Variants in GNAI3 observed in about 807,000 individuals in gnomAD.
The protein encoded by GNAI3 is G protein subunit alpha i3.
GNAI3 carries 12 observed loss-of-function variants against 41.8 expected under a neutral mutation model. That is an observed-to-expected ratio of 0.29 (90% CI 0.18 to 0.47). The LOEUF (loss-of-function observed/expected upper bound fraction) is 0.47, where lower values mean the gene tolerates loss of function less well. Ranked by LOEUF, GNAI3 falls within the 20% of genes least tolerant of loss-of-function variation. The pLI is 1.00. For synonymous variants in GNAI3, 132 were observed against 146.5 expected (o/e 0.90, Z 0.71); for missense variants, 360 against 429.6 (o/e 0.84, Z 1.43).
At chr1:109,582,826 C>T (rs1039589308) in intron 5 of GNAI3, among the ~76,000 whole-genome samples, 4 of 152,014 alleles carry the variant, frequency 2.6e-5, no homozygotes, top group Non-Finnish European at 4.4e-5. Flanking sequence ...AAAATTTTTC[C>T]TGTGATAACT....
At chr1:109,555,969 T>C (rs868181341) in intron 1 of GNAI3, among the ~76,000 whole-genome samples, 19,615 of 129,820 alleles carry the variant, frequency 0.15, 1,478 homozygotes, top group East Asian at 0.22. Context: ...CGTGCGTGTG[T>C]GTGTGTGTGT....
At position 109,592,101 on chromosome 1, in the gene GNAI3, C is replaced by T. The variant is rs1465965002; in HGVS notation, c.933C>T (p.Asn311=). The change falls in exon 8 of 9, where the codon AAC becomes AAT. Residue 311 remains asparagine (N), a synonymous_variant. Transcript: ENST00000369851. ...TTCAATGCCAGTTTGAAGATCTGAA[C>T]AGAAGAAAAGATACCAAGGAGATCT... ...AYIQCQFEDL[N]RRKDTKEIYT... 6.2e-7 allele frequency: 1 copy of T among 1,612,654 alleles called. No homozygotes were observed. Among genetic ancestry groups the T allele is most frequent in the South Asian group, 1.1e-5 (1 of 91,018 alleles).
intron 1 of GNAI3, among the ~76,000 whole-genome samples, chr1:109,554,000 TC>T (rs1557901529): frequency 2.0e-5 from 3 of 152,202 alleles, no homozygotes; most frequent in African/African-American, 7.2e-5. Context: ...AGTAATCGTC[TC>T]CAGTTCCATC....
rs754769173 is a variant in GNAI3 at position 109,548,676 on chromosome 1, T to C, written c.-45T>C. 4.4e-6 allele frequency: 6 copies of C among 1,356,224 alleles called. No homozygotes were observed. Among genetic ancestry groups the C allele is most frequent in the Non-Finnish European group, 6.3e-6 (6 of 949,898 alleles). 84.0% of individuals were successfully genotyped at this position (1,356,224 alleles called of 1,614,324 possible). On this transcript the variant is annotated 5_prime_UTR_variant, in exon 1 of 9. Transcript: ENST00000369851. Reference sequence around the variant, plus strand: ...TCAGCCTGCCGAGCCGCAGTTTCCGTGGTGTGAGTGAGTCCGGGCCCGTGT... The same window carrying C: ...TCAGCCTGCCGAGCCGCAGTTTCCGCGGTGTGAGTGAGTCCGGGCCCGTGT...
intron 1 of GNAI3, among the ~76,000 whole-genome samples, chr1:109,553,989 G>A (rs1364676809): frequency 1.3e-5 from 2 of 152,134 alleles, no homozygotes. Flanking sequence ...ACTTCACTTA[G>A]AGTAATCGTC....
In GNAI3 at chr1:109,555,967, T is replaced by TGCGTGCGTGCGTGCGTGC. The variant is rs1553222507; in HGVS notation, c.118+7130_118+7131insCGTGCGTGCGTGCGTGCG. On this transcript the variant is annotated intron_variant, in intron 1 of 8. Transcript: ENST00000369851. ...GGGGAAAGGAGTGCGTGCGTGCGTG[T>TGCGTGCGTGCGTGCGTGC]GTGTGTGTGTGTGTGTGTGTGTGTG... 3.4e-3 allele frequency among the ~76,000 whole-genome samples: 299 copies of TGCGTGCGTGCGTGCGTGC among 86,676 alleles called. 4 individuals are homozygous for TGCGTGCGTGCGTGCGTGC. The highest frequency in any genetic ancestry group is 4.0e-3 in the East Asian group (16 of 4,034). 56.9% of individuals were successfully genotyped at this position (86,676 alleles called of 152,430 possible). A position where few individuals can be genotyped will look rare whatever the true frequency, so the allele number is the denominator to read the frequency against.
chr1:109,593,847 T>C lies in GNAI3; in HGVS notation c.*1525T>C, dbSNP rs144806197. On this transcript the variant is annotated 3_prime_UTR_variant, in exon 9 of 9. Transcript: ENST00000369851. ...ATTGGGGGAAGACAAATGAAGAGAATGCATTTTGAGCATTTCAAATCAGTA... is the reference window on the plus strand; with the variant it reads ...ATTGGGGGAAGACAAATGAAGAGAACGCATTTTGAGCATTTCAAATCAGTA... 6.6e-6 allele frequency: 1 copy of C among 152,668 alleles called. No individual in the cohort carries two copies. The highest frequency in any genetic ancestry group is 1.5e-5 in the Non-Finnish European group (1 of 68,038). The allele number at this position is 152,668 out of a possible 1,614,324, so 9.5% of individuals were successfully genotyped here. A position where few individuals can be genotyped will look rare whatever the true frequency, so the allele number is the denominator to read the frequency against.
At chr1:109,577,606 A>G (rs1432425167) in intron 3 of GNAI3, among the ~76,000 whole-genome samples, 1 of 152,138 alleles carries the variant, frequency 6.6e-6, no homozygotes, top group Non-Finnish European at 1.5e-5. Context: ...AGCCTAGTCT[A>G]CCGCCATGCC....
rs1217880941 is a variant in GNAI3 at position 109,592,646 on chromosome 1, T to C, written c.*324T>C. 1 of 154,318 alleles carries C rather than the reference T, an allele frequency of 6.5e-6. No individual in the cohort carries two copies. Among genetic ancestry groups the C allele is most frequent in the East Asian group, 1.9e-4 (1 of 5,244 alleles). 9.6% of individuals were successfully genotyped at this position (154,318 alleles called of 1,614,324 possible). A position where few individuals can be genotyped will look rare whatever the true frequency, so the allele number is the denominator to read the frequency against. On this transcript the variant is annotated 3_prime_UTR_variant, in exon 9 of 9. Transcript: ENST00000369851. ...AACTTCAATATGTAGCTTACTCTTT[T>C]TTTCCCCCCTTCTTAAACCACCAGT...
intron 1 of GNAI3, among the ~76,000 whole-genome samples, chr1:109,558,758 G>A (rs1444829759): frequency 6.6e-6 from 1 of 152,050 alleles, no homozygotes; most frequent in African/African-American, 2.4e-5. Flanking sequence ...AGGTAAAAAC[G>A]TTTGGCAAAG....
intron 3 of GNAI3, among the ~76,000 whole-genome samples, chr1:109,574,576 G>A (rs1419442834): frequency 2.0e-5 from 3 of 152,084 alleles, no homozygotes; most frequent in Admixed American, 6.6e-5. Flanking sequence ...TTAATGCCTT[G>A]CACATGTCAG....
At position 109,596,422 on chromosome 1, in the gene GNAI3, C is replaced by T. The variant is rs1379235656; in HGVS notation, c.*4100C>T. 2.0e-5 allele frequency: 3 copies of T among 152,304 alleles called. No individual in the cohort carries two copies. The highest frequency in any genetic ancestry group is 4.4e-5 in the Non-Finnish European group (3 of 68,154). The allele number at this position is 152,304 out of a possible 1,614,324, so 9.4% of individuals were successfully genotyped here. A position where few individuals can be genotyped will look rare whatever the true frequency, so the allele number is the denominator to read the frequency against. On this transcript the variant is annotated 3_prime_UTR_variant, in exon 9 of 9. Transcript: ENST00000369851. ...AGGCTGGAGTACAGTGGCACGATCT[C>T]TGCTCACTGCAACCTTTGCCTCTTA...
At chr1:109,554,610 A>G (rs1648094302) in intron 1 of GNAI3, among the ~76,000 whole-genome samples, 1 of 152,116 alleles carries the variant, frequency 6.6e-6, no homozygotes, top group South Asian at 2.1e-4. Context: ...TCTGGATATT[A>G]GTCCTTTGTC....
chr1:109,576,415 A>C (rs1303111679), intron 3 of GNAI3, among the ~76,000 whole-genome samples: 2 of 151,968 alleles, frequency 1.3e-5, no homozygotes, highest in Non-Finnish European at 2.9e-5. Context: ...AATGGAAAAA[A>C]AATAGAGCTG....
At position 109,599,047 on chromosome 1, in the gene GNAI3, G is replaced by C. The variant is rs773093461; in HGVS notation, c.*6725G>C. ...TTATGTCTCACCGTGGGGATGGGAA[G>C]GAATACTCTGTTTTGGACTATTTGG... On this transcript the variant is annotated 3_prime_UTR_variant, in exon 9 of 9. Coordinates refer to ENST00000369851, the MANE Select transcript of GNAI3 (RefSeq NM_006496.4). 22 of 504,058 alleles carry C rather than the reference G, an allele frequency of 4.4e-5. No homozygotes were observed. Among genetic ancestry groups the C allele is most frequent in the Non-Finnish European group, 7.6e-5 (18 of 237,842 alleles). The allele number at this position is 504,058 out of a possible 1,614,324, so 31.2% of individuals were successfully genotyped here.
intron 5 of GNAI3, among the ~76,000 whole-genome samples, chr1:109,583,340 G>T (rs1478629540): frequency 1.3e-5 from 2 of 152,134 alleles, no homozygotes; most frequent in Non-Finnish European, 2.9e-5. Context: ...CTTCCAAGTA[G>T]CTGGGACTAT....
rs1035870982 is a variant in GNAI3, at chr1:109,598,797, G to A, written c.*6475G>A. The A allele has an allele frequency of 1.2e-5, 6 of 498,290 alleles. No individual in the cohort carries two copies. The highest frequency in any genetic ancestry group is 3.9e-5 in the African/African-American group (2 of 51,258). 30.9% of individuals were successfully genotyped at this position (498,290 alleles called of 1,614,324 possible). ...CAGTGTCTTCTGACCTCACAGAAAT[G>A]TTTTCATGCTTTTACCTAGCAGGAC... On this transcript the variant is annotated 3_prime_UTR_variant, in exon 9 of 9. Transcript: ENST00000369851.
chr1:109,590,854 C>T (rs774704966), intron 7 of GNAI3, among the ~76,000 whole-genome samples: 8 of 152,114 alleles, frequency 5.3e-5, no homozygotes, highest in Non-Finnish European at 5.9e-5. Context: ...TGTGAGCCAC[C>T]GCACCCAGCT....
At chr1:109,572,700 T>C (rs1331588720) in intron 1 of GNAI3, among the ~76,000 whole-genome samples, 11 of 151,572 alleles carry the variant, frequency 7.3e-5, no homozygotes, top group African/African-American at 2.4e-4. Flanking sequence ...AAGTTAGGGG[T>C]GTGTATGTGT....
Sources: gnomAD v4.1 joint callset for allele counts (sites outside exome capture counted in the v4.1 genomes callset) on GRCh38, gnomAD v4.1.1 for gene constraint, MANE v1.5 for transcripts, NCBI Gene and HGNC (gene_info 2026-07-23, HGNC 2026-07-21) for gene names.